PTPRD: variants seen among roughly 807,000 people sequenced by gnomAD.
PTPRD encodes the protein protein tyrosine phosphatase receptor type D, also known as receptor-type tyrosine-protein phosphatase delta.
PTPRD carries 34 observed loss-of-function variants against 214.5 expected under a neutral mutation model. The observed-to-expected ratio is 0.16, with a 90% confidence interval of 0.12 to 0.21. PTPRD has a LOEUF of 0.21. PTPRD is among the 10% of genes least tolerant of loss of function. The pLI, the probability that PTPRD is intolerant of heterozygous loss-of-function variation, is 1.00. For synonymous variants in PTPRD, 1,128 were observed against 845.7 expected (o/e 1.33, Z -5.79); for missense variants, 2,545 against 2,398.7 (o/e 1.06, Z -1.27).
At chr9:8,994,428 G>T (rs941935751) in intron 11 of PTPRD, among the ~76,000 whole-genome samples, 1 of 151,928 alleles carries the variant, frequency 6.6e-6, no homozygotes, top group African/African-American at 2.4e-5. Flanking sequence ...TCTTTTATTT[G>T]GTTTCTTTAA....
At position 9,187,699 on chromosome 9, in the gene PTPRD, A is replaced by G. The variant is rs527909030; in HGVS notation, c.-202-4336T>C. ...GCTGTGTTAATAACAACAACAACAA[A>G]TACTACTGCAACCCACATTGCAGTG... On this transcript the variant is annotated intron_variant, in intron 9 of 45. Coordinates refer to ENST00000381196, the MANE Select transcript of PTPRD (RefSeq NM_002839.4). Among the ~76,000 whole-genome samples the G allele has an allele frequency of 3.9e-5, 6 of 152,172 alleles. No individual in the cohort carries two copies. In the East Asian group the frequency reaches 1.2e-3, roughly 30 times the overall value.
At chr9:8,755,962 C>T (rs1374773788) in intron 11 of PTPRD, among the ~76,000 whole-genome samples, 2 of 152,134 alleles carry the variant, frequency 1.3e-5, no homozygotes, top group East Asian at 3.8e-4. Flanking sequence ...TGTGTTAAGA[C>T]CCAAATAAAT....
intron 11 of PTPRD, among the ~76,000 whole-genome samples, chr9:8,779,346 G>C (rs112962778): frequency 6.6e-6 from 1 of 151,442 alleles, no homozygotes; most frequent in African/African-American, 2.4e-5. Flanking sequence ...CCCTCCTTTA[G>C]AGATGAAAAC....
intron 4 of PTPRD, among the ~76,000 whole-genome samples, chr9:10,010,445 C>G (rs1482232702): frequency 6.7e-6 from 1 of 149,466 alleles, no homozygotes; most frequent in Non-Finnish European, 1.5e-5. Flanking sequence ...TTTAATTTAA[C>G]TTTTGGTGGA....
chr9:10,313,451 T>G (rs1302274517), intron 3 of PTPRD, among the ~76,000 whole-genome samples: 2 of 146,356 alleles, frequency 1.4e-5, no homozygotes, highest in African/African-American at 5.3e-5. Context: ...CTCCTTATTT[T>G]GTTCATTTTC....
At chr9:10,365,232 C>T (rs1427751957) in intron 2 of PTPRD, among the ~76,000 whole-genome samples, 1 of 152,140 alleles carries the variant, frequency 6.6e-6, no homozygotes, top group African/African-American at 2.4e-5. Flanking sequence ...AGTCTTTCCA[C>T]TTGCAGGTTA....
intron 2 of PTPRD, among the ~76,000 whole-genome samples, chr9:10,455,091 TTC>T (rs2098898605): frequency 6.6e-6 from 1 of 151,768 alleles, no homozygotes. Context: ...GTTATTGGTT[TTC>T]TGTCTCCCCA....
intron 2 of PTPRD, among the ~76,000 whole-genome samples, chr9:10,540,111 C>T (rs561914500): frequency 1.3e-5 from 2 of 152,142 alleles, no homozygotes; most frequent in East Asian, 1.9e-4. Flanking sequence ...GCTCACTCAA[C>T]CTCCTCCTCC....
chr9:9,204,270 T>C (rs1260359872), intron 9 of PTPRD, among the ~76,000 whole-genome samples: 2 of 152,216 alleles, frequency 1.3e-5, no homozygotes, highest in African/African-American at 4.8e-5. Flanking sequence ...TTAGCGAATA[T>C]GTCTGATGCT....
intron 3 of PTPRD, among the ~76,000 whole-genome samples, chr9:10,260,094 T>A (rs1001674378): frequency 3.9e-5 from 6 of 152,222 alleles, no homozygotes; most frequent in African/African-American, 1.4e-4. Context: ...TCTTAGGATA[T>A]ATTTATACTA....
chr9:9,379,440 C>CT (rs1408180844), intron 9 of PTPRD, among the ~76,000 whole-genome samples: 25 of 151,894 alleles, frequency 1.6e-4, no homozygotes, highest in African/African-American at 5.3e-4. Context: ...ATTACTGTAG[C>CT]TTTGTATTAA....
chr9:9,649,581 G>C (rs939658671), intron 7 of PTPRD, among the ~76,000 whole-genome samples: 2 of 152,266 alleles, frequency 1.3e-5, no homozygotes, highest in African/African-American at 2.4e-5. Context: ...ACCCTACTTT[G>C]AGTGAGACTA....
intron 32 of PTPRD, among the ~76,000 whole-genome samples, chr9:8,461,400 T>C (rs559694552): frequency 1.4e-4 from 22 of 152,184 alleles, no homozygotes; most frequent in African/African-American, 4.1e-4. Context: ...TAAATATCGA[T>C]GATTTTTATT....
In PTPRD at chr9:10,239,849, T is replaced by C. The variant is rs374898628; in HGVS notation, c.-545+101114A>G. On this transcript the variant is annotated intron_variant, in intron 3 of 45. Transcript: ENST00000381196. ...CTGCCTCTTGCCCCTCAGTCTCCCC[T>C]GAGGTAAGCCATACAATCTCTTTTC... Among the ~76,000 whole-genome samples the C allele has an allele frequency of 9.9e-5, 15 of 151,986 alleles. No individual in the cohort carries two copies. In the East Asian group the frequency reaches 2.9e-3, roughly 30 times the overall value.
At chr9:8,898,048 C>T (rs2154248913) in intron 11 of PTPRD, among the ~76,000 whole-genome samples, 1 of 152,252 alleles carries the variant, frequency 6.6e-6, no homozygotes, top group South Asian at 2.1e-4. Flanking sequence ...AACCTTCTTC[C>T]ACTCTTCCCT....
At chr9:8,930,394 C>T (rs1304988783) in intron 11 of PTPRD, among the ~76,000 whole-genome samples, 1 of 152,114 alleles carries the variant, frequency 6.6e-6, no homozygotes, top group East Asian at 1.9e-4. Flanking sequence ...CAAGTCTTTG[C>T]TATTGTGAAT....
rs376850790 is a variant in PTPRD, at chr9:8,937,926, TC to T, written c.-104+80770del. On this transcript the variant is annotated intron_variant, in intron 11 of 45. Transcript: ENST00000381196. ...AGGTCAATATGCAATCTGCTTTTAT[TC>T]ATTTATTCCTGAGTTCCCACTATGT... is the stretch of plus-strand genomic sequence containing the variant. Among the ~76,000 whole-genome samples, 46 of 152,316 alleles carry T rather than the reference TC, an allele frequency of 3.0e-4. No homozygotes were observed. In the East Asian group the frequency reaches 6.8e-3, roughly 22 times the overall value.
At chr9:9,988,110 C>A (rs1278703846) in intron 4 of PTPRD, among the ~76,000 whole-genome samples, 2 of 152,074 alleles carry the variant, frequency 1.3e-5, no homozygotes, top group African/African-American at 4.8e-5. Flanking sequence ...CTAAATTTAT[C>A]ATAACTCTTA....
At chr9:9,324,074 T>C (rs1253510241) in intron 9 of PTPRD, among the ~76,000 whole-genome samples, 3 of 152,218 alleles carry the variant, frequency 2.0e-5, no homozygotes, top group Non-Finnish European at 4.4e-5. Flanking sequence ...CACATTTTCT[T>C]AATCCAGTCT....
Sources: allele counts gnomAD v4.1 joint callset (sites outside exome capture counted in the v4.1 genomes callset), GRCh38; gene constraint gnomAD v4.1.1; transcripts MANE v1.5; gene names NCBI Gene and HGNC (gene_info 2026-07-23, HGNC 2026-07-21).